XRN1: variants seen among roughly 807,000 people sequenced by gnomAD.
XRN1 encodes 5'-3' exoribonuclease 1.
A neutral mutation model predicts 222.3 loss-of-function variants in XRN1; 67 were observed. That is an observed-to-expected ratio of 0.30 (90% CI 0.25 to 0.37). XRN1 has a LOEUF of 0.37. Ranked by LOEUF, XRN1 falls within the 10% of genes least tolerant of loss-of-function variation. The probability of loss-of-function intolerance (pLI) is 1.00; values close to 1 mark genes in which losing one functional copy is unlikely to be tolerated. For missense variants in XRN1, 1,707 were observed against 2,000.2 expected (o/e 0.85, Z 2.80); for synonymous variants, 643 against 652.4 (o/e 0.99, Z 0.22).
At chr3:142,363,343 C>T (rs1169568574) in intron 29 of XRN1, among the ~76,000 whole-genome samples, 1 of 151,510 alleles carries the variant, frequency 6.6e-6, no homozygotes, top group African/African-American at 2.4e-5. Context: ...AATTAAATTA[C>T]ATTTTTTTTC....
Position 142,418,506 on chromosome 3 carries a change from A to G in XRN1, c.1344T>C (p.Ser448=), listed in dbSNP as rs140403678. 353 of 1,602,226 alleles carry G rather than the reference A, an allele frequency of 2.2e-4. No individual in the cohort carries two copies. The highest frequency in any genetic ancestry group is 2.6e-4 in the Non-Finnish European group (307 of 1,174,238). Residue 448 remains serine (S), a splice_region_variant and synonymous_variant, in exon 12 of 41, where the codon TCT becomes TCC. Coordinates refer to ENST00000392981, the MANE Select transcript of XRN1 (RefSeq NM_001282857.2). The part of the protein sequence containing the change: ...YMTKMGVDVV[S]DDFLADQAAC... Reference sequence around the variant, plus strand: ...TAAAAGCATTGGCAAAAACGTACTCAGATACTACGTCAACCCCCATCTTCG... The same window carrying G: ...TAAAAGCATTGGCAAAAACGTACTCGGATACTACGTCAACCCCCATCTTCG...
rs551762816 is a variant in XRN1 at position 142,410,735 on chromosome 3, C to G, written c.1713+1809G>C. On this transcript the variant is annotated intron_variant, in intron 15 of 40. Coordinates refer to ENST00000392981, the MANE Select transcript of XRN1 (RefSeq NM_001282857.2). ...AGTCTTGATCTCCTGACCTCATGAT[C>G]TACCCACCTCAGCCTCCCAAAGTGC... is the stretch of plus-strand genomic sequence containing the variant. Among the ~76,000 whole-genome samples, 4 of 152,208 alleles carry G rather than the reference C, an allele frequency of 2.6e-5. No individual in the cohort carries two copies. The South Asian group carries it at 8.3e-4, about 32-fold the overall frequency.
At chr3:142,322,534 A>G (rs986961450) in intron 37 of XRN1, among the ~76,000 whole-genome samples, 1 of 151,902 alleles carries the variant, frequency 6.6e-6, no homozygotes, top group African/African-American at 2.4e-5. Flanking sequence ...AAAAATACAA[A>G]AATTAGCCGG....
chr3:142,333,975 TCAA>T (rs1241855332), intron 34 of XRN1, among the ~76,000 whole-genome samples: 3 of 152,224 alleles, frequency 2.0e-5, no homozygotes, highest in Non-Finnish European at 2.9e-5. Flanking sequence ...TGTTTATTGT[TCAA>T]ATGTACCTAG....
intron 36 of XRN1, 112 bp downstream of exon 36, chr3:142,332,263 T>TA: frequency 1.1e-6 from 1 of 896,668 alleles, no homozygotes. Flanking sequence ...CTAAAATAAA[T>TA]AAATACATTA....
At position 142,447,723 on chromosome 3, in the gene XRN1, T is replaced by C; in HGVS notation, c.75+147A>G. 1 of 987,132 alleles carries C rather than the reference T, an allele frequency of 1.0e-6. No individual in the cohort carries two copies. Among genetic ancestry groups the C allele is most frequent in the South Asian group, 1.5e-5 (1 of 64,800 alleles). The allele number at this position is 987,132 out of a possible 1,614,324, so 61.1% of individuals were successfully genotyped here. ...CCCCTTTCGGCTCATCCGGGCGTCC[T>C]CAAACCTTCCGTCCCCCTCCCTAAT... On this transcript the variant is annotated intron_variant, in intron 1 of 40. Transcript: ENST00000392981. This position sits in a 1 kb window ranked among gnomAD's most constrained non-coding sequence, Gnocchi z 4.2.
chr3:142,370,368 T>C (rs1329559112), intron 27 of XRN1, 117 bp downstream of exon 27: 7 of 1,262,140 alleles, frequency 5.5e-6, no homozygotes, highest in Non-Finnish European at 7.5e-6. Flanking sequence ...TATTTGATAC[T>C]AATTAGAATC....
chr3:142,358,944 T>A (rs948816491), intron 30 of XRN1, among the ~76,000 whole-genome samples: 1 of 152,164 alleles, frequency 6.6e-6, no homozygotes. Context: ...GTTTTCCAGC[T>A]GATTTTTAGA....
chr3:142,438,926 C>G (rs2070060779), intron 1 of XRN1, among the ~76,000 whole-genome samples: 1 of 151,856 alleles, frequency 6.6e-6, no homozygotes, highest in Admixed American at 6.6e-5. Context: ...GACTCCTTCC[C>G]CAACTAACAA....
intron 37 of XRN1, among the ~76,000 whole-genome samples, chr3:142,323,283 GT>G (rs570184478): frequency 3.4e-4 from 50 of 145,222 alleles, no homozygotes; most frequent in African/African-American, 1.1e-3. Flanking sequence ...CACTCTTAAG[GT>G]TTTTTTTTTG....
intron 23 of XRN1, among the ~76,000 whole-genome samples, chr3:142,379,762 T>G (rs1008856058): frequency 6.6e-6 from 1 of 152,206 alleles, no homozygotes; most frequent in Admixed American, 6.5e-5. Flanking sequence ...TCTGAATTAT[T>G]ATGAAAGGTT....
At chr3:142,388,890 A>T (rs533988995) in intron 20 of XRN1, among the ~76,000 whole-genome samples, 30 of 152,140 alleles carry the variant, frequency 2.0e-4, no homozygotes, top group Non-Finnish European at 4.0e-4. Flanking sequence ...ATCTCAAGAA[A>T]CCACTTTCAT....
At chr3:142,347,741 G>A (rs1047059524) in intron 32 of XRN1, among the ~76,000 whole-genome samples, 4 of 151,678 alleles carry the variant, frequency 2.6e-5, no homozygotes, top group Admixed American at 6.6e-5. Context: ...GGGACTACAC[G>A]TGAGTACCAT....
At position 142,351,611 on chromosome 3, in the gene XRN1, T is replaced by A. The variant is rs1188160645; in HGVS notation, c.3768+3790A>T. On this transcript the variant is annotated intron_variant, in intron 32 of 40. Coordinates refer to ENST00000392981, the MANE Select transcript of XRN1 (RefSeq NM_001282857.2). ...TGCCTTTATCTATTTGTTCAACTTT[T>A]TAATTAACTCCCTCCCGCTCTCTTA... is the stretch of plus-strand genomic sequence containing the variant. Among the ~76,000 whole-genome samples the A allele has an allele frequency of 4.6e-5, 7 of 152,286 alleles. No individual in the cohort carries two copies. The East Asian group carries it at 1.3e-3, about 29-fold the overall frequency.
intron 20 of XRN1, among the ~76,000 whole-genome samples, chr3:142,392,232 T>C (rs1185184517): frequency 6.6e-6 from 1 of 152,108 alleles, no homozygotes; most frequent in Non-Finnish European, 1.5e-5. Context: ...CTTATGTCAA[T>C]GTCTACATGT....
At chr3:142,431,902 TTATATA>T (rs1252861014) in intron 2 of XRN1, among the ~76,000 whole-genome samples, 1 of 45,088 alleles carries the variant, frequency 2.2e-5, no homozygotes, top group Non-Finnish European at 3.9e-5. Context: ...AATATATATA[TTATATA>T]TATAAATATA....
In XRN1 at chr3:142,403,993, G is replaced by T; in HGVS notation, c.1884-4C>A. 1 of 1,555,132 alleles carries T rather than the reference G, an allele frequency of 6.4e-7. No homozygotes were observed. The highest frequency in any genetic ancestry group is 1.4e-5 in the African/African-American group (1 of 73,328). On this transcript the variant is annotated splice_region_variant and splice_polypyrimidine_tract_variant and intron_variant, in intron 16 of 40. Transcript: ENST00000392981. ...ATCTAAGGATATTATTTTATACCTA[G>T]AAAATAAATCAAGGCATTTAATTTA... is the stretch of plus-strand genomic sequence containing the variant.
At chr3:142,407,030 C>G (rs1359518227) in intron 15 of XRN1, among the ~76,000 whole-genome samples, 1 of 152,156 alleles carries the variant, frequency 6.6e-6, no homozygotes, top group African/African-American at 2.4e-5. Flanking sequence ...ACAGTGAGAA[C>G]GCAAGCTTTT....
chr3:142,409,033 A>T (rs2108051740), intron 15 of XRN1, among the ~76,000 whole-genome samples: 1 of 152,348 alleles, frequency 6.6e-6, no homozygotes, highest in Non-Finnish European at 1.5e-5. Flanking sequence ...TGCCATTTAA[A>T]AAATTGGGTT....
Sources: gnomAD v4.1 joint callset for allele counts (sites outside exome capture counted in the v4.1 genomes callset) on GRCh38, gnomAD v4.1.1 for gene constraint, Gnocchi (gnomAD v3.1) non-coding constraint, MANE v1.5 for transcripts, NCBI Gene and HGNC (gene_info 2026-07-23, HGNC 2026-07-21) for gene names.